CCDC88C: variants seen among roughly 807,000 people sequenced by gnomAD.
CCDC88C encodes the protein protein Daple.
A neutral mutation model predicts 198.8 loss-of-function variants in CCDC88C; 131 were observed. That is an observed-to-expected ratio of 0.66 (90% CI 0.57 to 0.76). The LOEUF (loss-of-function observed/expected upper bound fraction) is 0.76, where lower values mean the gene tolerates loss of function less well. CCDC88C is among the 30% of genes least tolerant of loss of function. The probability of loss-of-function intolerance (pLI) is 0.00; values close to 1 mark genes in which losing one functional copy is unlikely to be tolerated. For synonymous variants in CCDC88C, 1,166 were observed against 1,114.7 expected, an observed-to-expected ratio of 1.05 and a Z score of -0.92; for missense variants, 2,553 against 2,631.6, an observed-to-expected ratio of 0.97 and a Z score of 0.65.
intron 13 of CCDC88C, 154 bp from the exon 14 acceptor site, chr14:91,315,941 C>A: frequency 1.4e-6 from 1 of 695,962 alleles, no homozygotes; most frequent in Admixed American, 2.7e-5. Flanking sequence ...ACTCCCCACA[C>A]CACAGCTGTC....
At chr14:91,360,727 G>C (rs758404314) in intron 3 of CCDC88C, among the ~76,000 whole-genome samples, 12 of 152,214 alleles carry the variant, frequency 7.9e-5, no homozygotes, top group Non-Finnish European at 1.2e-4. Flanking sequence ...CCGCTCGTCT[G>C]GGTACAGGCT....
intron 3 of CCDC88C, among the ~76,000 whole-genome samples, chr14:91,390,304 T>C (rs1005861502): frequency 6.6e-6 from 1 of 152,146 alleles, no homozygotes; most frequent in Non-Finnish European, 1.5e-5. Context: ...CACATAGCCA[T>C]ATGTTCCACA....
intron 16 of CCDC88C, among the ~76,000 whole-genome samples, 166 bp from the exon 17 acceptor site, chr14:91,308,658 C>T (rs1051042488): frequency 3.9e-5 from 6 of 152,210 alleles, no homozygotes; most frequent in African/African-American, 1.4e-4. Context: ...TCCCAGAGCC[C>T]TTTGGGGGGT....
chr14:91,388,475 G>A (rs548151112), intron 3 of CCDC88C, among the ~76,000 whole-genome samples: 7 of 152,290 alleles, frequency 4.6e-5, no homozygotes, highest in South Asian at 2.1e-4. Flanking sequence ...TTCTGGAAAC[G>A]TCCAGGGCTA....
chr14:91,413,646 G>A (rs1886898574), intron 2 of CCDC88C, among the ~76,000 whole-genome samples: 1 of 152,048 alleles, frequency 6.6e-6, no homozygotes, highest in African/African-American at 2.4e-5. Flanking sequence ...CCTAGCCCTG[G>A]GCCTCCCCAG....
intron 29 of CCDC88C, among the ~76,000 whole-genome samples, chr14:91,277,423 G>A (rs555339994): frequency 7.2e-5 from 11 of 152,290 alleles, no homozygotes; most frequent in South Asian, 2.1e-4. Context: ...AAGCTTTATC[G>A]GATGTCAGCC....
At chr14:91,353,241 G>A (rs552522008) in intron 4 of CCDC88C, among the ~76,000 whole-genome samples, 2 of 152,038 alleles carry the variant, frequency 1.3e-5, no homozygotes, top group African/African-American at 2.4e-5. Context: ...CCCTGAGCTC[G>A]TTCCACCTAG....
At chr14:91,407,037 A>G (rs1886525574) in intron 3 of CCDC88C, among the ~76,000 whole-genome samples, 1 of 152,152 alleles carries the variant, frequency 6.6e-6, no homozygotes, top group African/African-American at 2.4e-5. Context: ...CTCTGGACTG[A>G]GCACAGATGG....
rs371483630 is a variant in CCDC88C, at chr14:91,314,095, C to T, written c.1721G>A (p.Arg574Gln). Residue 574 changes from arginine to glutamine, a missense_variant, in exon 15 of 30, where the codon CGG becomes CAG. Physicochemically the swap from Arg to Gln is conservative, Grantham distance 43 (BLOSUM62 1). Transcript: ENST00000389857. ...CTCACTGCTGACCTGCGACCTCTCCCGCAGCGACCACATGGCTCGGTTGAG... is the reference window on the plus strand; with the variant it reads ...CTCACTGCTGACCTGCGACCTCTCCTGCAGCGACCACATGGCTCGGTTGAG... ...DHLNRAMWSLRERSQVSSEAR... is the reference protein window; with the variant it reads ...DHLNRAMWSLQERSQVSSEAR... The T allele has an allele frequency of 5.8e-5, 94 of 1,613,752 alleles. No individual in the cohort carries two copies. The Middle Eastern group carries it at 8.2e-4, about 14-fold the overall frequency.
At chr14:91,368,070 T>C (rs535068713) in intron 3 of CCDC88C, among the ~76,000 whole-genome samples, 5 of 152,316 alleles carry the variant, frequency 3.3e-5, no homozygotes, top group Admixed American at 1.3e-4. Flanking sequence ...ATAGTGACAG[T>C]TGGGAAAATT....
At chr14:91,364,067 C>T (rs759567418) in intron 3 of CCDC88C, among the ~76,000 whole-genome samples, 31 of 152,374 alleles carry the variant, frequency 2.0e-4, no homozygotes, top group Non-Finnish European at 4.1e-4. Context: ...GTGAGCCCTC[C>T]TTGTGCCACT....
intron 3 of CCDC88C, among the ~76,000 whole-genome samples, chr14:91,393,404 C>A (rs373692109): frequency 2.5e-4 from 38 of 152,314 alleles, no homozygotes; most frequent in African/African-American, 8.2e-4. Context: ...AATTCTACCT[C>A]CCGAAGGAAG....
chr14:91,360,252 T>TCACACACACACACACACACACA (rs57026211), intron 3 of CCDC88C, among the ~76,000 whole-genome samples: 20 of 144,310 alleles, frequency 1.4e-4, no homozygotes, highest in East Asian at 2.1e-4. Context: ...GACCCCATCT[T>TCACACACACACACACACACACA]CACACACACA....
chr14:91,339,225 C>T lies in CCDC88C; in HGVS notation c.809+53G>A, dbSNP rs947312826. 6.9e-6 allele frequency: 11 copies of T among 1,597,078 alleles called. No homozygotes were observed. Among genetic ancestry groups the T allele is most frequent in the African/African-American group, 1.3e-5 (1 of 74,612 alleles). On this transcript the variant is annotated intron_variant, in intron 8 of 29. Transcript: ENST00000389857. The surrounding 1 kb of genome is among the most constrained non-coding windows in gnomAD (Gnocchi z 5.8). ...CCACACATGTGAGTCGACACCACAC[C>T]AGAAACATGTCTGCAACACACACAA...
chr14:91,288,991 CA>C lies in CCDC88C; in HGVS notation c.4441+113del. On this transcript the variant is annotated intron_variant, in intron 25 of 29. Transcript: ENST00000389857. This position sits in a 1 kb window ranked among gnomAD's most constrained non-coding sequence, Gnocchi z 4.2. ...CGTAACACATCTAAGCGAAGGCGCA[CA>C]TGCAGTCACCCACCCCTGGCACGTT... 1.3e-6 allele frequency: 1 copy of C among 793,278 alleles called. No homozygotes were observed. Among genetic ancestry groups the C allele is most frequent in the Non-Finnish European group, 2.1e-6 (1 of 477,606 alleles). 49.1% of individuals were successfully genotyped at this position (793,278 alleles called of 1,614,324 possible).
chr14:91,380,855 T>C (rs1022750737), intron 3 of CCDC88C, among the ~76,000 whole-genome samples: 10 of 152,116 alleles, frequency 6.6e-5, no homozygotes, highest in Non-Finnish European at 1.3e-4. Flanking sequence ...ACGCCCCGTA[T>C]CCTCCCTGTA....
intron 13 of CCDC88C, among the ~76,000 whole-genome samples, chr14:91,320,663 T>C (rs1010015870): frequency 3.3e-5 from 5 of 152,116 alleles, no homozygotes; most frequent in African/African-American, 1.2e-4. Flanking sequence ...GGGTCTGTAG[T>C]GTCAGAATTG....
intron 4 of CCDC88C, among the ~76,000 whole-genome samples, chr14:91,348,079 C>T (rs1893628237): frequency 6.6e-6 from 1 of 152,166 alleles, no homozygotes; most frequent in African/African-American, 2.4e-5. Flanking sequence ...AAGCTCAGCT[C>T]ACTGCAACCT....
chr14:91,359,160 C>CT (rs950112450), intron 4 of CCDC88C, among the ~76,000 whole-genome samples: 2,096 of 108,606 alleles, frequency 0.019, 76 homozygotes, highest in African/African-American at 0.031. Context: ...AGGCTTCATT[C>CT]TTTTTTTTTT....
Sources: allele counts gnomAD v4.1 joint callset (sites outside exome capture counted in the v4.1 genomes callset), GRCh38; gene constraint gnomAD v4.1.1; non-coding constraint Gnocchi (gnomAD v3.1); transcripts MANE v1.5; gene names NCBI Gene and HGNC (gene_info 2026-07-23, HGNC 2026-07-21).